IL15: variants seen among roughly 807,000 people sequenced by gnomAD.
IL15 encodes interleukin 15, also known as interleukin-15.
A neutral mutation model predicts 19.6 loss-of-function variants in IL15; 11 were observed. The ratio of observed to expected loss-of-function variants is 0.56; its 90% CI spans 0.35 to 0.93. IL15 has a LOEUF of 0.93. Ranked by LOEUF, IL15 falls within the 40% of genes least tolerant of loss-of-function variation. IL15 has a pLI of 0.01. For missense variants in IL15, 197 were observed against 186.5 expected (o/e 1.06, Z -0.33); for synonymous variants, 58 against 59.6 (o/e 0.97, Z 0.12).
chr4:141,645,643 C>T (rs1374382452), intron 1 of IL15, among the ~76,000 whole-genome samples: 1 of 152,054 alleles, frequency 6.6e-6, no homozygotes, highest in Non-Finnish European at 1.5e-5. Context: ...TACCCCAACA[C>T]TTAGTGGTAT....
chr4:141,707,719 G>A (rs1040768476), intron 2 of IL15, among the ~76,000 whole-genome samples: 2 of 152,196 alleles, frequency 1.3e-5, no homozygotes, highest in African/African-American at 4.8e-5. Context: ...TTTTGAGGTA[G>A]TGGCATAGTT....
chr4:141,721,101 A>T, intron 4 of IL15: 1 of 1,502,894 alleles, frequency 6.7e-7, no homozygotes, highest in Non-Finnish European at 9.0e-7. Flanking sequence ...CCTAACCTAT[A>T]GTTATATAAT....
intron 7 of IL15, among the ~76,000 whole-genome samples, chr4:141,732,414 T>C (rs1422510530): frequency 2.6e-5 from 4 of 152,156 alleles, no homozygotes; most frequent in African/African-American, 9.7e-5. Context: ...ATGAAGAGCC[T>C]GTGTGCTATG....
At chr4:141,722,524 T>G (rs145265996) in intron 5 of IL15, among the ~76,000 whole-genome samples, 13 of 152,132 alleles carry the variant, frequency 8.5e-5, no homozygotes, top group Admixed American at 8.5e-4. Flanking sequence ...AGGTTAGAAC[T>G]TGCATGCTAA....
At chr4:141,643,577 C>T (rs1727124251) in intron 1 of IL15, among the ~76,000 whole-genome samples, 1 of 152,142 alleles carries the variant, frequency 6.6e-6, no homozygotes, top group African/African-American at 2.4e-5. Flanking sequence ...AGCCACTCCC[C>T]TTCTCCTTAT....
chr4:141,653,431 T>G (rs17007498), intron 1 of IL15, among the ~76,000 whole-genome samples: 5,901 of 152,274 alleles, frequency 0.039, 368 homozygotes, highest in African/African-American at 0.13. Flanking sequence ...ACTTCAAAAG[T>G]TTCAAAGCGC....
chr4:141,684,785 C>A (rs1169281372), intron 2 of IL15, among the ~76,000 whole-genome samples: 1 of 152,058 alleles, frequency 6.6e-6, no homozygotes, highest in Non-Finnish European at 1.5e-5. Flanking sequence ...TTCATTTATT[C>A]ACAATAACTC....
intron 2 of IL15, among the ~76,000 whole-genome samples, chr4:141,660,576 C>T (rs1727751220): frequency 6.6e-6 from 1 of 152,076 alleles, no homozygotes; most frequent in Admixed American, 6.5e-5. Context: ...ACTGTTAACA[C>T]GGTTATTTTG....
At chr4:141,718,078 G>A (rs1325344796) in intron 2 of IL15, 1 of 152,170 alleles carries the variant, frequency 6.6e-6, no homozygotes, top group African/African-American at 2.4e-5. Flanking sequence ...GGAGTCTTCT[G>A]GCTAAGCACT....
At chr4:141,687,882 A>T (rs2152175512) in intron 2 of IL15, among the ~76,000 whole-genome samples, 1 of 152,316 alleles carries the variant, frequency 6.6e-6, no homozygotes, top group South Asian at 2.1e-4. Context: ...TGAGAAAAAA[A>T]TGCCATATTC....
At chr4:141,696,236 G>T (rs757614486) in intron 2 of IL15, among the ~76,000 whole-genome samples, 4 of 151,984 alleles carry the variant, frequency 2.6e-5, no homozygotes, top group African/African-American at 7.2e-5. Flanking sequence ...TTGAATATCC[G>T]CTGTAGGCAT....
At chr4:141,660,847 A>G (rs879363844) in intron 2 of IL15, among the ~76,000 whole-genome samples, 7 of 152,220 alleles carry the variant, frequency 4.6e-5, no homozygotes, top group African/African-American at 7.2e-5. Context: ...GAAGGGAACT[A>G]AGATGTCTAA....
chr4:141,644,688 G>A (rs755257730), intron 1 of IL15, among the ~76,000 whole-genome samples: 5 of 152,124 alleles, frequency 3.3e-5, no homozygotes, highest in Non-Finnish European at 5.9e-5. Context: ...AGTTTCTTGA[G>A]TGCAGCAACC....
At chr4:141,709,725 C>T (rs1400879635) in intron 2 of IL15, among the ~76,000 whole-genome samples, 1 of 152,060 alleles carries the variant, frequency 6.6e-6, no homozygotes, top group East Asian at 1.9e-4. Flanking sequence ...GGTACATAAA[C>T]ATTCATAACT....
At chr4:141,720,604 TG>T (rs1452932797) in intron 4 of IL15, 38 bp downstream of exon 4, 1 of 1,015,816 alleles carries the variant, frequency 9.8e-7, no homozygotes. Flanking sequence ...ATTATGTTCA[TG>T]GTCATGATGA....
chr4:141,689,658 C>T (rs926793936), intron 2 of IL15, among the ~76,000 whole-genome samples: 1 of 152,110 alleles, frequency 6.6e-6, no homozygotes, highest in South Asian at 2.1e-4. Context: ...AAACACTGAG[C>T]TAGACACAGG....
At chr4:141,685,018 T>C (rs142624288) in intron 2 of IL15, among the ~76,000 whole-genome samples, 1 of 152,262 alleles carries the variant, frequency 6.6e-6, no homozygotes, top group Non-Finnish European at 1.5e-5. Context: ...AGTAGGGAAT[T>C]ACAAGGCTGA....
chr4:141,675,601 G>A lies in IL15; in HGVS notation c.-100+19294G>A, dbSNP rs539796129. ...CCATAAACCTTGAATAACACCCTAC[G>A]GCCCACAGGAAGTGTCACTAGTGAT... On this transcript the variant is annotated intron_variant, in intron 2 of 7. Coordinates refer to ENST00000320650, the MANE Select transcript of IL15 (RefSeq NM_000585.5). Among the ~76,000 whole-genome samples the A allele has an allele frequency of 6.3e-4, 95 of 151,994 alleles. 1 individual carries two copies. The highest frequency in any genetic ancestry group is 1.2e-3 in the Non-Finnish European group (82 of 67,988).
chr4:141,697,822 C>T (rs550596110), intron 2 of IL15, among the ~76,000 whole-genome samples: 1 of 151,760 alleles, frequency 6.6e-6, no homozygotes, highest in Admixed American at 6.6e-5. Flanking sequence ...TTTGGATGCC[C>T]TTTATTTCTT....
Sources: allele counts gnomAD v4.1 joint callset (sites outside exome capture counted in the v4.1 genomes callset), GRCh38; gene constraint gnomAD v4.1.1; transcripts MANE v1.5; gene names NCBI Gene and HGNC (gene_info 2026-07-23, HGNC 2026-07-21).